PRR16: variants seen among roughly 807,000 people sequenced by gnomAD.
PRR16 encodes the protein protein Largen.
In PRR16, 6 loss-of-function variants were observed where a neutral mutation model predicts 18.2. The observed-to-expected ratio is 0.33, with a 90% CI of 0.18 to 0.65. The LOEUF (loss-of-function observed/expected upper bound fraction) is 0.65. PRR16 is among the 30% of genes least tolerant of loss of function. The pLI, the probability that PRR16 is intolerant of heterozygous loss-of-function variation, is 0.74. For missense variants in PRR16, 412 were observed against 376.6 expected (o/e 1.09, Z -0.78); for synonymous variants, 151 against 147.8 (o/e 1.02, Z -0.16).
the PRR16 span, among the ~76,000 whole-genome samples, chr5:120,788,560 T>G: frequency 6.6e-6 from 1 of 152,036 alleles, no homozygotes; most frequent in African/African-American, 2.4e-5. Flanking sequence ...TTTACATACA[T>G]AGAGACTTAT....
At chr5:120,716,045 ACAG>A in the PRR16 span, among the ~76,000 whole-genome samples, 14 of 152,282 alleles carry the variant, frequency 9.2e-5, no homozygotes, top group African/African-American at 3.1e-4. Flanking sequence ...ACAAATCTAA[ACAG>A]CAGCAACAAC....
the PRR16 span, among the ~76,000 whole-genome samples, chr5:120,725,374 G>A: frequency 6.6e-6 from 1 of 150,558 alleles, no homozygotes; most frequent in Non-Finnish European, 1.5e-5. Flanking sequence ...CAGTTAAATA[G>A]GCCAGGTGTA....
the PRR16 span, among the ~76,000 whole-genome samples, chr5:120,762,568 T>C: frequency 6.6e-6 from 1 of 152,188 alleles, no homozygotes; most frequent in Non-Finnish European, 1.5e-5. Flanking sequence ...CAAGCAATCT[T>C]GGCCATTTGT....
intron 1 of PRR16, among the ~76,000 whole-genome samples, chr5:120,476,683 A>G (rs1749452774): frequency 6.6e-6 from 1 of 152,100 alleles, no homozygotes; most frequent in Non-Finnish European, 1.5e-5. Context: ...CTCATATACC[A>G]TCATTGTTTT....
chr5:120,557,080 A>G (rs1486140595), intron 1 of PRR16, among the ~76,000 whole-genome samples: 1 of 151,962 alleles, frequency 6.6e-6, no homozygotes, highest in Non-Finnish European at 1.5e-5. Flanking sequence ...GAAGATTGCT[A>G]TGACACACAA....
At chr5:120,503,464 T>C (rs1046915683) in intron 1 of PRR16, among the ~76,000 whole-genome samples, 2 of 152,166 alleles carry the variant, frequency 1.3e-5, no homozygotes, top group African/African-American at 2.4e-5. Context: ...AGGGAAACCA[T>C]GGAAGTTTTC....
intron 1 of PRR16, among the ~76,000 whole-genome samples, chr5:120,566,432 G>A (rs377538279): frequency 6.6e-6 from 1 of 152,110 alleles, no homozygotes; most frequent in East Asian, 1.9e-4. Context: ...CAAACTAATA[G>A]CATGACTGCC....
At chr5:120,530,358 C>T (rs569986120) in intron 1 of PRR16, among the ~76,000 whole-genome samples, 45 of 147,454 alleles carry the variant, frequency 3.1e-4, no homozygotes, top group African/African-American at 1.1e-3. Flanking sequence ...AGAATTCTTT[C>T]CCGGAGTAAG....
chr5:120,758,173 C>A, the PRR16 span, among the ~76,000 whole-genome samples: 1 of 151,758 alleles, frequency 6.6e-6, no homozygotes, highest in African/African-American at 2.4e-5. Flanking sequence ...AAATTTGATG[C>A]AAAAATAATG....
intron 1 of PRR16, among the ~76,000 whole-genome samples, chr5:120,506,493 A>G (rs1216882459): frequency 6.6e-6 from 1 of 152,138 alleles, no homozygotes; most frequent in Non-Finnish European, 1.5e-5. Flanking sequence ...GGAAAACATG[A>G]TTAACGGTGG....
chr5:120,763,024 G>A, the PRR16 span, among the ~76,000 whole-genome samples: 1 of 152,046 alleles, frequency 6.6e-6, no homozygotes, highest in African/African-American at 2.4e-5. Context: ...TAAAGATAAT[G>A]TACTTTCCCC....
intron 1 of PRR16, among the ~76,000 whole-genome samples, chr5:120,638,669 CTT>C (rs1323477737): frequency 6.6e-6 from 1 of 152,106 alleles, no homozygotes; most frequent in African/African-American, 2.4e-5. Context: ...TGCACTTTCT[CTT>C]TTTTAAACAC....
the PRR16 span, among the ~76,000 whole-genome samples, chr5:120,770,379 A>G: frequency 6.6e-6 from 1 of 151,976 alleles, no homozygotes; most frequent in Non-Finnish European, 1.5e-5. Flanking sequence ...CATATAGAAG[A>G]AGGCAACTGG....
At chr5:120,579,914 G>C (rs1416049725) in intron 1 of PRR16, among the ~76,000 whole-genome samples, 1 of 152,120 alleles carries the variant, frequency 6.6e-6, no homozygotes. Context: ...TCCTTGAGCA[G>C]TGGTTTGTAG....
intron 1 of PRR16, among the ~76,000 whole-genome samples, chr5:120,531,037 G>A (rs1751534466): frequency 6.6e-6 from 1 of 152,154 alleles, no homozygotes; most frequent in African/African-American, 2.4e-5. Flanking sequence ...TGCACTGGCA[G>A]CCTCTTCTTT....
At chr5:120,774,889 C>T in the PRR16 span, among the ~76,000 whole-genome samples, 1 of 152,248 alleles carries the variant, frequency 6.6e-6, no homozygotes, top group South Asian at 2.1e-4. Context: ...TCATCTGATT[C>T]TCTTAAGGTA....
chr5:120,768,361 C>T, the PRR16 span, among the ~76,000 whole-genome samples: 1 of 151,440 alleles, frequency 6.6e-6, no homozygotes, highest in Admixed American at 6.6e-5. Context: ...ATTTTAATCC[C>T]TCATATTTTC....
the PRR16 span, among the ~76,000 whole-genome samples, chr5:120,787,254 A>G: frequency 6.6e-6 from 1 of 152,170 alleles, no homozygotes; most frequent in African/African-American, 2.4e-5. Context: ...ACTAACAATA[A>G]TGGAAGTTCA....
chr5:120,505,460 C>T (rs1270096231), intron 1 of PRR16, among the ~76,000 whole-genome samples: 1 of 152,060 alleles, frequency 6.6e-6, no homozygotes, highest in Admixed American at 6.6e-5. Context: ...TCCTTTGTAC[C>T]CCACTTTATA....
Sources: gnomAD v4.1 joint callset for allele counts (sites outside exome capture counted in the v4.1 genomes callset) on GRCh38, gnomAD v4.1.1 for gene constraint, MANE v1.5 for transcripts, NCBI Gene and HGNC (gene_info 2026-07-23, HGNC 2026-07-21) for gene names.